Variants in CLIC5 observed in about 807,000 individuals in gnomAD.
The protein encoded by CLIC5 is CLIC family member 5, also known as chloride intracellular channel protein 5.
CLIC5 carries 20 observed loss-of-function variants against 24.7 expected under a neutral mutation model. The ratio of observed to expected loss-of-function variants is 0.81; its 90% CI spans 0.57 to 1.18. CLIC5 has a LOEUF of 1.18. Among genes scored for constraint, CLIC5 ranks in the 50% most tolerant of loss-of-function variants. The pLI is 0.00. For synonymous variants in CLIC5, 159 were observed against 135.6 expected, an observed-to-expected ratio of 1.17 and a Z score of -1.20; for missense variants, 341 against 326.1, an observed-to-expected ratio of 1.05 and a Z score of -0.35.
chr6:45,919,420 A>G (rs891895770), intron 4 of CLIC5, among the ~76,000 whole-genome samples: 2 of 152,102 alleles, frequency 1.3e-5, no homozygotes, highest in Non-Finnish European at 2.9e-5. Context: ...GCCTCCCTCC[A>G]CAATCTGGAA....
intron 1 of CLIC5, among the ~76,000 whole-genome samples, chr6:46,056,669 C>CA (rs1768264765): frequency 6.6e-6 from 1 of 152,072 alleles, no homozygotes; most frequent in Non-Finnish European, 1.5e-5. Flanking sequence ...CCACAGAGAC[C>CA]AATGTTAATT....
At chr6:45,983,992 G>A (rs1309911268) in intron 1 of CLIC5, among the ~76,000 whole-genome samples, 1 of 152,078 alleles carries the variant, frequency 6.6e-6, no homozygotes, top group Non-Finnish European at 1.5e-5. Context: ...TCAATGTCCA[G>A]CACATAGTAG....
At chr6:45,882,568 T>C (rs1762272581) in intron 6 of CLIC5, among the ~76,000 whole-genome samples, 1 of 152,252 alleles carries the variant, frequency 6.6e-6, no homozygotes, top group African/African-American at 2.4e-5. Flanking sequence ...TGAGAAGATC[T>C]GTGGAACTGA....
chr6:46,029,243 A>G (rs1767430952), intron 1 of CLIC5, among the ~76,000 whole-genome samples: 1 of 152,190 alleles, frequency 6.6e-6, no homozygotes, highest in Non-Finnish European at 1.5e-5. Flanking sequence ...AGTGTTTTTC[A>G]TGGCACAGTT....
At chr6:45,976,831 C>G (rs1457525875) in intron 1 of CLIC5, among the ~76,000 whole-genome samples, 1 of 152,144 alleles carries the variant, frequency 6.6e-6, no homozygotes, top group African/African-American at 2.4e-5. Flanking sequence ...CTAGAATAGA[C>G]AAAAGGCAGC....
chr6:45,911,174 G>A (rs1417508057), intron 5 of CLIC5, among the ~76,000 whole-genome samples: 1 of 152,168 alleles, frequency 6.6e-6, no homozygotes, highest in Non-Finnish European at 1.5e-5. Context: ...CCTAGGAGTA[G>A]TAGCTGCCTC....
chr6:45,911,351 G>A (rs750072135), intron 5 of CLIC5, among the ~76,000 whole-genome samples: 36 of 152,256 alleles, frequency 2.4e-4, no homozygotes, highest in Admixed American at 4.6e-4. Flanking sequence ...GATGAAGTCC[G>A]AGTCCTTTGA....
At chr6:45,926,244 T>TATATATATATATA (rs1479166444) in intron 4 of CLIC5, among the ~76,000 whole-genome samples, 38 of 95,986 alleles carry the variant, frequency 4.0e-4, no homozygotes, top group African/African-American at 9.5e-4. Flanking sequence ...TATATATATA[T>TATATATATATATA]TTTATTTTTT....
chr6:46,019,487 C>A (rs986200379), upstream of CLIC5, among the ~76,000 whole-genome samples: 1 of 150,914 alleles, frequency 6.6e-6, no homozygotes, highest in Non-Finnish European at 1.5e-5. Flanking sequence ...GAGATCGAGA[C>A]CATCCTGGCT....
At chr6:45,985,869 C>A (rs1241135878) in intron 1 of CLIC5, among the ~76,000 whole-genome samples, 3 of 152,068 alleles carry the variant, frequency 2.0e-5, no homozygotes, top group Non-Finnish European at 4.4e-5. Flanking sequence ...GTGTACCCAC[C>A]CAAATCTCAT....
intron 6 of CLIC5, among the ~76,000 whole-genome samples, chr6:45,893,360 G>C (rs1384656536): frequency 6.6e-6 from 1 of 151,962 alleles, no homozygotes; most frequent in African/African-American, 2.4e-5. Flanking sequence ...AAAGTCCCAT[G>C]GTTCCAGGTG....
At chr6:46,118,060 T>C in the CLIC5 span, among the ~76,000 whole-genome samples, 1 of 152,280 alleles carries the variant, frequency 6.6e-6, no homozygotes, top group African/African-American at 2.4e-5. Context: ...CATTTGAAGC[T>C]CCAGTGCCAA....
chr6:46,104,279 C>T, the CLIC5 span, among the ~76,000 whole-genome samples: 1 of 152,058 alleles, frequency 6.6e-6, no homozygotes, highest in African/African-American at 2.4e-5. Context: ...GAGAGCTTGA[C>T]TTGTGATGAA....
intron 4 of CLIC5, among the ~76,000 whole-genome samples, chr6:45,918,709 G>A (rs2127322543): frequency 6.6e-6 from 1 of 152,390 alleles, no homozygotes; most frequent in East Asian, 1.9e-4. Context: ...GAAGGAGGTT[G>A]TGGTTATTGG....
intron 1 of CLIC5, among the ~76,000 whole-genome samples, chr6:46,020,904 CAT>C (rs1302923828): frequency 1.3e-5 from 2 of 151,692 alleles, no homozygotes; most frequent in Non-Finnish European, 2.9e-5. Flanking sequence ...ATTTATTAAA[CAT>C]ATTAAATTCA....
intron 6 of CLIC5, among the ~76,000 whole-genome samples, chr6:45,885,778 C>G (rs959890869): frequency 5.3e-5 from 8 of 152,156 alleles, no homozygotes; most frequent in Non-Finnish European, 1.2e-4. Context: ...TTTAGGATGT[C>G]TGCAGTAGAC....
chr6:46,073,727 C>T (rs1360251432), intron 1 of CLIC5, among the ~76,000 whole-genome samples: 1 of 152,214 alleles, frequency 6.6e-6, no homozygotes, highest in Non-Finnish European at 1.5e-5. Flanking sequence ...ATCTGCTCTT[C>T]ACCTATGTGG....
rs147194364 is a variant in CLIC5 at position 45,959,288 on chromosome 6, C to T, written c.64-4044G>A. 8.0e-3 allele frequency among the ~76,000 whole-genome samples: 1,210 copies of T among 152,172 alleles called. 2 individuals carry two copies. The highest frequency in any genetic ancestry group is 0.013 in the Non-Finnish European group (889 of 67,998). On this transcript the variant is annotated intron_variant, in intron 1 of 5. Coordinates refer to ENST00000339561, the MANE Select transcript of CLIC5 (RefSeq NM_016929.5). The stretch of plus-strand genomic sequence containing the variant: ...GTGGATGATAGTTATTGATATTTAC[C>T]GTGTTGTAAGTTAAAGCTGAAAAAC...
chr6:45,936,490 A>C (rs1763941388), intron 4 of CLIC5, among the ~76,000 whole-genome samples: 1 of 152,036 alleles, frequency 6.6e-6, no homozygotes, highest in Non-Finnish European at 1.5e-5. Flanking sequence ...CAGGGGTCAG[A>C]CACCATGCCT....
Sources: allele counts gnomAD v4.1 joint callset (sites outside exome capture counted in the v4.1 genomes callset), GRCh38; gene constraint gnomAD v4.1.1; transcripts MANE v1.5; gene names NCBI Gene and HGNC (gene_info 2026-07-23, HGNC 2026-07-21).